Variants in RAD51B observed in about 807,000 individuals in gnomAD.
The protein encoded by RAD51B is RAD51 paralog B, also known as DNA repair protein RAD51 homolog 2.
Under a neutral mutation model 42.2 loss-of-function variants are expected in RAD51B, and 38 were observed. The ratio of observed to expected loss-of-function variants is 0.90; its 90% confidence interval spans 0.70 to 1.18. The LOEUF (loss-of-function observed/expected upper bound fraction) is 1.18, where lower values mean the gene tolerates loss of function less well. Among genes scored for constraint, RAD51B ranks in the 50% most tolerant of loss-of-function variants. The pLI, the probability that RAD51B is intolerant of heterozygous loss-of-function variation, is 0.00. For synonymous variants in RAD51B, 154 were observed against 145.2 expected (o/e 1.06, Z -0.43); for missense variants, 373 against 400.7 (o/e 0.93, Z 0.59).
intron 8 of RAD51B, chr14:68,339,388 G>T (rs2082526849): frequency 1.6e-5 from 15 of 956,196 alleles, no homozygotes; most frequent in Non-Finnish European, 2.0e-5. Flanking sequence ...AGGTCTCTTT[G>T]GGGCTGGATA....
intron 10 of RAD51B, among the ~76,000 whole-genome samples, chr14:68,576,156 A>G (rs921888433): frequency 5.9e-5 from 9 of 152,152 alleles, no homozygotes; most frequent in Non-Finnish European, 1.2e-4. Flanking sequence ...GGAGCAGGGG[A>G]AGAGACACCC....
At chr14:68,227,877 T>C (rs1751381) in intron 7 of RAD51B, among the ~76,000 whole-genome samples, 4 of 152,256 alleles carry the variant, frequency 2.6e-5, no homozygotes, top group African/African-American at 9.6e-5. Flanking sequence ...AATTTAATTT[T>C]GTTCCTTTAG....
At chr14:68,668,421 C>T (rs1448007478) in intron 11 of RAD51B, among the ~76,000 whole-genome samples, 1 of 152,240 alleles carries the variant, frequency 6.6e-6, no homozygotes, top group East Asian at 1.9e-4. Flanking sequence ...CACTCCACTT[C>T]CCGGCCTCCC....
intron 7 of RAD51B, among the ~76,000 whole-genome samples, chr14:68,153,028 G>T (rs148514356): frequency 5.3e-5 from 8 of 152,132 alleles, no homozygotes; most frequent in African/African-American, 1.7e-4. Context: ...TTGATTCCAT[G>T]TCCTTGCTAT....
intron 7 of RAD51B, among the ~76,000 whole-genome samples, chr14:68,189,711 G>A (rs1295230652): frequency 6.6e-6 from 1 of 152,042 alleles, no homozygotes; most frequent in Non-Finnish European, 1.5e-5. Context: ...CTGTCACCCA[G>A]GCTGGAATGT....
chr14:67,908,912 C>T (rs1000488171), intron 7 of RAD51B: 1 of 152,106 alleles, frequency 6.6e-6, no homozygotes, highest in East Asian at 1.9e-4. Flanking sequence ...AAAGTATTTT[C>T]ATAATAATAT....
chr14:67,910,491 A>G (rs1214959194), intron 7 of RAD51B, among the ~76,000 whole-genome samples: 1 of 150,558 alleles, frequency 6.6e-6, no homozygotes, highest in Admixed American at 6.7e-5. Context: ...AAAGTGAACT[A>G]TATGTTAAAA....
At chr14:68,265,539 CAGG>C (rs1237115268) in intron 7 of RAD51B, among the ~76,000 whole-genome samples, 3 of 152,148 alleles carry the variant, frequency 2.0e-5, no homozygotes, top group Non-Finnish European at 4.4e-5. Flanking sequence ...CACCTGAGGT[CAGG>C]AGTTCAAGAC....
chr14:67,979,521 T>C (rs1248347051), intron 7 of RAD51B, among the ~76,000 whole-genome samples: 3 of 152,172 alleles, frequency 2.0e-5, no homozygotes, highest in Non-Finnish European at 4.4e-5. Flanking sequence ...GCTACTAGGA[T>C]AATCTTTCAT....
intron 5 of RAD51B, among the ~76,000 whole-genome samples, chr14:67,873,880 T>A (rs1365475045): frequency 7.0e-6 from 1 of 142,484 alleles, no homozygotes; most frequent in Admixed American, 7.2e-5. Context: ...TAGGTGGGAA[T>A]TGAACAATGA....
intron 7 of RAD51B, among the ~76,000 whole-genome samples, chr14:68,052,104 C>T (rs1346949240): frequency 1.3e-5 from 2 of 152,152 alleles, no homozygotes. Context: ...CTCTTTATCT[C>T]AGTCTGCTTC....
chr14:68,527,982 C>T (rs1485216173), intron 10 of RAD51B, among the ~76,000 whole-genome samples: 1 of 152,150 alleles, frequency 6.6e-6, no homozygotes, highest in East Asian at 1.9e-4. Context: ...TTTTTTTATA[C>T]TGAAAAACTT....
intron 7 of RAD51B, among the ~76,000 whole-genome samples, chr14:68,210,092 T>C (rs1049551242): frequency 6.6e-6 from 1 of 152,028 alleles, no homozygotes; most frequent in African/African-American, 2.4e-5. Flanking sequence ...CCTGAGGAGC[T>C]AGGACAACAG....
intron 9 of RAD51B, among the ~76,000 whole-genome samples, chr14:68,449,455 G>A (rs879374604): frequency 6.6e-6 from 1 of 152,130 alleles, no homozygotes; most frequent in African/African-American, 2.4e-5. Context: ...TTTTAGTAAG[G>A]CCCACCTTAA....
At chr14:67,865,451 G>A (rs1222041557) in intron 5 of RAD51B, among the ~76,000 whole-genome samples, 1 of 150,952 alleles carries the variant, frequency 6.6e-6, no homozygotes, top group East Asian at 1.9e-4. Flanking sequence ...TGGCCAAGCT[G>A]GTATTGAACT....
intron 11 of RAD51B, among the ~76,000 whole-genome samples, chr14:68,677,606 C>T (rs1166622488): frequency 6.6e-6 from 1 of 152,174 alleles, no homozygotes; most frequent in Non-Finnish European, 1.5e-5. Flanking sequence ...ACCTTGTGTC[C>T]TTTATTCTTG....
intron 7 of RAD51B, among the ~76,000 whole-genome samples, chr14:67,888,545 T>G (rs1371041591): frequency 6.6e-6 from 1 of 152,078 alleles, no homozygotes; most frequent in Non-Finnish European, 1.5e-5. Flanking sequence ...TTGAGCCATG[T>G]TCATGTCACT....
intron 7 of RAD51B, among the ~76,000 whole-genome samples, chr14:67,964,505 G>A (rs1279813225): frequency 6.6e-6 from 1 of 152,028 alleles, no homozygotes; most frequent in East Asian, 1.9e-4. Flanking sequence ...ATTTCAACAT[G>A]CCTACAGGGC....
intron 7 of RAD51B, among the ~76,000 whole-genome samples, chr14:68,003,863 C>A (rs560122556): frequency 2.0e-5 from 3 of 152,058 alleles, no homozygotes; most frequent in Admixed American, 1.3e-4. Context: ...ACGGATGAAG[C>A]CTACTTGATT....
Sources: allele counts gnomAD v4.1 joint callset (sites outside exome capture counted in the v4.1 genomes callset), GRCh38; gene constraint gnomAD v4.1.1; transcripts MANE v1.5; gene names NCBI Gene and HGNC (gene_info 2026-07-23, HGNC 2026-07-21).